Variants in MRPS2 observed in about 807,000 individuals in gnomAD.
The protein encoded by MRPS2 is small ribosomal subunit protein uS2m.
MRPS2 carries 13 observed loss-of-function variants against 18.9 expected under a neutral mutation model. That is an observed-to-expected ratio of 0.69 (90% CI 0.45 to 1.09). The LOEUF is 1.09. MRPS2 is among the 50% of genes least tolerant of loss of function. The probability of loss-of-function intolerance (pLI) is 0.00; values close to 1 mark genes in which losing one functional copy is unlikely to be tolerated. For synonymous variants in MRPS2, 186 were observed against 178.4 expected, an observed-to-expected ratio of 1.04 and a Z score of -0.34; for missense variants, 389 against 421.7, an observed-to-expected ratio of 0.92 and a Z score of 0.68.
At position 135,504,216 on chromosome 9, in the gene MRPS2, C is replaced by A; in HGVS notation, c.*83C>A. The A allele has an allele frequency of 8.0e-7, 1 of 1,246,962 alleles. No homozygotes were observed. Among genetic ancestry groups the A allele is most frequent in the Non-Finnish European group, 1.1e-6 (1 of 920,374 alleles). The allele number at this position is 1,246,962 out of a possible 1,614,324, so 77.2% of individuals were successfully genotyped here. Reference sequence around the variant, plus strand: ...TTCCCCAGCCCTGGGTCAGCGGCATCCTCAGTCGTTGTTACTTACTCAGCT... The same window carrying A: ...TTCCCCAGCCCTGGGTCAGCGGCATACTCAGTCGTTGTTACTTACTCAGCT... On this transcript the variant is annotated 3_prime_UTR_variant, in exon 4 of 4. Transcript: ENST00000241600. The surrounding 1 kb of genome is among the most constrained non-coding windows in gnomAD (Gnocchi z 4.3).
chr9:135,500,831 C>G, intron 1 of MRPS2, 78 bp downstream of exon 1: 1 of 1,485,388 alleles, frequency 6.7e-7, no homozygotes. Flanking sequence ...GATGGAGCGG[C>G]GGGGACGTGG....
chr9:135,501,821 G>A (rs776869878), intron 2 of MRPS2, 23 bp from the exon 3 acceptor site: 15 of 1,611,988 alleles, frequency 9.3e-6, no homozygotes, highest in South Asian at 5.5e-5. Flanking sequence ...GAGACGCAGC[G>A]TCGCTCCTCC....
chr9:135,503,352 A>T, intron 3 of MRPS2, 190 bp from the exon 4 acceptor site: 1 of 1,423,688 alleles, frequency 7.0e-7, no homozygotes, highest in Non-Finnish European at 9.2e-7. Flanking sequence ...AGGCATGCAG[A>T]GGGGTGGCCT....
chr9:135,502,375 G>A, intron 3 of MRPS2: 1 of 662,588 alleles, frequency 1.5e-6, no homozygotes, highest in Non-Finnish European at 1.9e-6. Flanking sequence ...GGGGATGGGA[G>A]GGGCAGGTGG....
rs886869700 is a variant in MRPS2 at position 135,503,072 on chromosome 9, G to A, written c.300-470G>A. 4 of 991,542 alleles carry A rather than the reference G, an allele frequency of 4.0e-6. No homozygotes were observed. In the Admixed American group the frequency reaches 1.7e-4, roughly 42 times the overall value. The allele number at this position is 991,542 out of a possible 1,614,324, so 61.4% of individuals were successfully genotyped here. A position where few individuals can be genotyped will look rare whatever the true frequency, so the allele number is the denominator to read the frequency against. On this transcript the variant is annotated intron_variant, in intron 3 of 3. Coordinates refer to ENST00000241600, the MANE Select transcript of MRPS2 (RefSeq NM_016034.5). ...CAGGCCAGCAGTGGTCCAGTGCTTT[G>A]GATCAGGGTTCCCCGCCCAGGCTTG... is the stretch of plus-strand genomic sequence containing the variant.
At position 135,501,806 on chromosome 9, in the gene MRPS2, G is replaced by A. The variant is rs748750540; in HGVS notation, c.170-38G>A. ...CGCTCTGCCTGTCTCTGCTGCCACCGGTGGGAGACGCAGCGTCGCTCCTCC... is the reference window on the plus strand; with the variant it reads ...CGCTCTGCCTGTCTCTGCTGCCACCAGTGGGAGACGCAGCGTCGCTCCTCC... On this transcript the variant is annotated intron_variant, in intron 2 of 3. Transcript: ENST00000241600. 11 of 1,609,560 alleles carry A rather than the reference G, an allele frequency of 6.8e-6. No individual in the cohort carries two copies. In the South Asian group the frequency reaches 7.7e-5, roughly 11 times the overall value.
upstream of MRPS2, chr9:135,500,001 C>T: frequency 1.1e-6 from 1 of 907,524 alleles, no homozygotes. Context: ...CGGGCGACTC[C>T]CCAAGGGCCG....
intron 2 of MRPS2, 195 bp downstream of exon 2, chr9:135,501,318 A>C: frequency 7.1e-7 from 1 of 1,408,566 alleles, no homozygotes; most frequent in Admixed American, 3.0e-5. Context: ...CCGCCTCACC[A>C]TGGATAGGGT....
rs764814846 is a variant in MRPS2 at position 135,501,922 on chromosome 9, G to C, written c.248G>C (p.Ser83Thr). 6.2e-7 allele frequency: 1 copy of C among 1,613,842 alleles called. No individual in the cohort carries two copies. Among genetic ancestry groups the C allele is most frequent in the Non-Finnish European group, 8.5e-7 (1 of 1,180,004 alleles). The change falls in exon 3 of 4, where the codon AGC (serine) becomes ACC (threonine). Residue 83 changes from serine to threonine, a missense_variant. By Grantham distance (58) the Ser-to-Thr change is moderately conservative (BLOSUM62 1). Coordinates refer to ENST00000241600, the MANE Select transcript of MRPS2 (RefSeq NM_016034.5). ...GTCAAGGAACTGTTTTCCGTGAGAA[G>C]CCTCTTCGATGCCCGAGTCCATCTG... ...FNVKELFSVR[S>T]LFDARVHLGH...
Position 135,504,180 on chromosome 9 carries a change from T to C in MRPS2, c.*47T>C. ...AAACCACAGCCAAGCCTGTCTGAGC[T>C]GGGAGTCCCCTTCCCCAGCCCTGGG... is the stretch of plus-strand genomic sequence containing the variant. On this transcript the variant is annotated 3_prime_UTR_variant, in exon 4 of 4. Transcript: ENST00000241600. This position sits in a 1 kb window ranked among gnomAD's most constrained non-coding sequence, Gnocchi z 4.3. The C allele has an allele frequency of 6.7e-7, 1 of 1,487,044 alleles. No homozygotes were observed. The highest frequency in any genetic ancestry group is 1.8e-4 in the Middle Eastern group (1 of 5,642). The allele number at this position is 1,487,044 out of a possible 1,614,324, so 92.1% of individuals were successfully genotyped here. A position where few individuals can be genotyped will look rare whatever the true frequency, so the allele number is the denominator to read the frequency against.
upstream of MRPS2, chr9:135,500,056 G>C: frequency 2.2e-5 from 13 of 598,640 alleles, no homozygotes; most frequent in South Asian, 3.2e-4. Flanking sequence ...ACCGTCGTGT[G>C]AGGCAGCCCC....
chr9:135,501,960 G>A lies in MRPS2; in HGVS notation c.286G>A (p.Gly96Ser), dbSNP rs1452378621. ...CCGAGTCCATCTGGGACACAAAGCTGGCTGTCGGCACAGGTAGGTGACACC... is the reference window on the plus strand; with the variant it reads ...CCGAGTCCATCTGGGACACAAAGCTAGCTGTCGGCACAGGTAGGTGACACC... ...DARVHLGHKA[G>S]CRHRFMEPYI... is the part of the protein sequence containing the mutation. The change falls in exon 3 of 4, where the codon GGC becomes AGC. Residue 96 changes from glycine to serine, a missense_variant. Gly to Ser is a moderately conservative substitution (Grantham distance 56). Transcript: ENST00000241600. The A allele has an allele frequency of 6.2e-7, 1 of 1,613,426 alleles. No homozygotes were observed. The highest frequency in any genetic ancestry group is 1.3e-5 in the African/African-American group (1 of 74,930).
At chr9:135,500,502 A>C, upstream of MRPS2, 1 of 492,712 alleles carries the variant, frequency 2.0e-6, no homozygotes. Flanking sequence ...CCGTGGCTCC[A>C]CTCCCCGCCC....
chr9:135,502,442 C>T (rs1018001574), intron 3 of MRPS2: 6 of 253,578 alleles, frequency 2.4e-5, no homozygotes, highest in South Asian at 8.9e-5. Flanking sequence ...GGGCTTAAAT[C>T]GCAGTAGCGG....
chr9:135,500,955 C>T (rs1358671553), intron 1 of MRPS2, 43 bp from the exon 2 acceptor site: 4 of 1,603,334 alleles, frequency 2.5e-6, no homozygotes, highest in African/African-American at 1.3e-5. Flanking sequence ...GGGCGTGGTG[C>T]ATTCGGGACT....
At chr9:135,502,993 G>T in intron 3 of MRPS2, 1 of 567,156 alleles carries the variant, frequency 1.8e-6, no homozygotes, top group Non-Finnish European at 2.2e-6. Context: ...TGGATGACTC[G>T]CCTGTCACGC....
Position 135,504,246 on chromosome 9 carries a change from T to G in MRPS2, c.*113T>G. The G allele has an allele frequency of 1.0e-6, 1 of 987,552 alleles. No homozygotes were observed. Among genetic ancestry groups the G allele is most frequent in the African/African-American group, 1.6e-5 (1 of 60,874 alleles). The allele number at this position is 987,552 out of a possible 1,614,324, so 61.2% of individuals were successfully genotyped here. A position where few individuals can be genotyped will look rare whatever the true frequency, so the allele number is the denominator to read the frequency against. ...GTCGTTGTTACTTACTCAGCTGATG[T>G]CACAGTGCAGACATCCACCGTTCCA... On this transcript the variant is annotated 3_prime_UTR_variant, in exon 4 of 4. Transcript: ENST00000241600. The surrounding 1 kb of genome is among the most constrained non-coding windows in gnomAD (Gnocchi z 4.3).
chr9:135,501,627 A>T (rs889082254), intron 2 of MRPS2: 2 of 1,373,878 alleles, frequency 1.5e-6, no homozygotes, highest in Non-Finnish European at 1.9e-6. Context: ...GACCAGGCTT[A>T]CCCAGGAGCA....
At chr9:135,499,983 G>T, upstream of MRPS2, 1 of 1,070,358 alleles carries the variant, frequency 9.3e-7, no homozygotes, top group Non-Finnish European at 1.3e-6. Context: ...GGTGGGTCCG[G>T]AACCTGCCGG....
Sources: allele counts gnomAD v4.1 joint callset, GRCh38; gene constraint gnomAD v4.1.1; non-coding constraint Gnocchi (gnomAD v3.1); transcripts MANE v1.5; gene names NCBI Gene and HGNC (gene_info 2026-07-23, HGNC 2026-07-21).